The following ADAMTSL1 variants were observed in gnomAD, a reference collection of about 807,000 sequenced individuals.
ADAMTSL1 encodes ADAMTS-like protein 1.
Under a neutral mutation model 201.8 loss-of-function variants are expected in ADAMTSL1, and 126 were observed. The ratio of observed to expected loss-of-function variants is 0.62; its 90% CI spans 0.54 to 0.72. The LOEUF (loss-of-function observed/expected upper bound fraction) is 0.72, where lower values mean the gene tolerates loss of function less well. Among genes scored for constraint, ADAMTSL1 ranks in the 30% least tolerant of loss-of-function variants. ADAMTSL1 has a pLI of 0.00. For synonymous variants in ADAMTSL1, 1,121 were observed against 903.4 expected, an observed-to-expected ratio of 1.24 and a Z score of -4.32; for missense variants, 2,679 against 2,277.8, an observed-to-expected ratio of 1.18 and a Z score of -3.59.
At position 18,310,399 on chromosome 9, in the gene ADAMTSL1, A is replaced by AAAAAC. The variant is rs1440483712; in HGVS notation, c.207+146418_207+146419insAAAAC. Among the ~76,000 whole-genome samples, 778 of 127,320 alleles carry AAAAAC rather than the reference A, an allele frequency of 6.1e-3. 47 individuals are homozygous for AAAAAC. Among genetic ancestry groups the AAAAAC allele is most frequent in the Non-Finnish European group, 0.011 (669 of 58,222 alleles). The allele number at this position is 127,320 out of a possible 152,430, so 83.5% of individuals were successfully genotyped here. A position where few individuals can be genotyped will look rare whatever the true frequency, so the allele number is the denominator to read the frequency against. ...AAAAAAAAAAAAAAAAAAAAAAAAA[A>AAAAAC]CTATCTTCAGAGTGAACAGGCAACC... On this transcript the variant is annotated intron_variant, in intron 2 of 29. Transcript: ENST00000680146.
chr9:18,065,706 C>A (rs367767316), intron 1 of ADAMTSL1, among the ~76,000 whole-genome samples: 1 of 152,110 alleles, frequency 6.6e-6, no homozygotes, highest in African/African-American at 2.4e-5. Flanking sequence ...AAGGGCCAGG[C>A]GCGGTGGCTC....
chr9:18,140,857 T>A (rs1424002525), intron 1 of ADAMTSL1, among the ~76,000 whole-genome samples: 4 of 152,088 alleles, frequency 2.6e-5, no homozygotes, highest in Non-Finnish European at 4.4e-5. Context: ...GATCCCAGAA[T>A]AGTTAATGTG....
At chr9:18,589,108 C>T (rs1179406128) in intron 4 of ADAMTSL1, among the ~76,000 whole-genome samples, 1 of 151,778 alleles carries the variant, frequency 6.6e-6, no homozygotes, top group Non-Finnish European at 1.5e-5. Flanking sequence ...AACTCCTGAC[C>T]TCAGGTGATC....
At position 18,782,022 on chromosome 9, in the gene ADAMTSL1, C is replaced by T. The variant is rs1324925774; in HGVS notation, c.3677+4116C>T. Among the ~76,000 whole-genome samples, 10 of 152,292 alleles carry T rather than the reference C, an allele frequency of 6.6e-5. 1 individual carries two copies. In the East Asian group the frequency reaches 1.5e-3, roughly 24 times the overall value. ...CATGTCTGTCAACTTCTCAAGCAGT[C>T]GTTTACAGGGTGTCCTTAGTGTGTT... On this transcript the variant is annotated intron_variant, in intron 19 of 28. Transcript: ENST00000380548.
At chr9:18,104,492 A>T (rs1824669458) in intron 1 of ADAMTSL1, among the ~76,000 whole-genome samples, 1 of 152,106 alleles carries the variant, frequency 6.6e-6, no homozygotes, top group African/African-American at 2.4e-5. Context: ...TGCTGCCCAT[A>T]ACCTGCAGGT....
At chr9:18,219,340 TA>T (rs1721649812) in intron 2 of ADAMTSL1, among the ~76,000 whole-genome samples, 2 of 143,176 alleles carry the variant, frequency 1.4e-5, no homozygotes, top group South Asian at 2.2e-4. Context: ...ATTTACATTT[TA>T]TTTTTATTTA....
At chr9:17,983,707 C>G (rs140515282) in intron 1 of ADAMTSL1, among the ~76,000 whole-genome samples, 5 of 152,012 alleles carry the variant, frequency 3.3e-5, no homozygotes, top group African/African-American at 9.7e-5. Flanking sequence ...CAGAATTGGA[C>G]TGTTAAAATA....
intron 1 of ADAMTSL1, among the ~76,000 whole-genome samples, chr9:18,109,823 G>A (rs900935966): frequency 1.2e-4 from 19 of 152,250 alleles, no homozygotes; most frequent in Non-Finnish European, 2.2e-4. Context: ...CATCTATGTG[G>A]GAGTAACCTG....
At chr9:18,728,525 G>A (rs1404627262) in intron 15 of ADAMTSL1, among the ~76,000 whole-genome samples, 1 of 152,090 alleles carries the variant, frequency 6.6e-6, no homozygotes, top group Non-Finnish European at 1.5e-5. Flanking sequence ...TGGTTGTCAC[G>A]GATAACGAGA....
chr9:18,085,044 G>T (rs965795446), intron 1 of ADAMTSL1, among the ~76,000 whole-genome samples: 7 of 152,140 alleles, frequency 4.6e-5, no homozygotes, highest in African/African-American at 1.7e-4. Flanking sequence ...TGACGGAACA[G>T]CAAGTGCTAC....
At chr9:18,395,848 A>G (rs1195634155) in intron 2 of ADAMTSL1, among the ~76,000 whole-genome samples, 2 of 152,208 alleles carry the variant, frequency 1.3e-5, no homozygotes, top group African/African-American at 2.4e-5. Flanking sequence ...AGGCTGAACT[A>G]AAATTTACAA....
intron 3 of ADAMTSL1, among the ~76,000 whole-genome samples, chr9:18,565,960 TCTGG>T (rs1821867071): frequency 6.6e-6 from 1 of 152,196 alleles, no homozygotes; most frequent in South Asian, 2.1e-4. Context: ...TTTACAAATG[TCTGG>T]CTATTTTTTA....
intron 1 of ADAMTSL1, among the ~76,000 whole-genome samples, chr9:18,009,487 A>G (rs1274103093): frequency 6.6e-6 from 1 of 152,072 alleles, no homozygotes. Flanking sequence ...TGCAGGGCCA[A>G]TTAATAGGCA....
intron 2 of ADAMTSL1, among the ~76,000 whole-genome samples, chr9:18,381,016 G>A (rs1167119649): frequency 6.6e-6 from 1 of 152,212 alleles, no homozygotes; most frequent in Non-Finnish European, 1.5e-5. Context: ...CCCAGAAGGT[G>A]TGCTAGAATA....
chr9:18,745,452 C>G (rs1417690932), intron 15 of ADAMTSL1, among the ~76,000 whole-genome samples: 1 of 152,204 alleles, frequency 6.6e-6, no homozygotes, highest in African/African-American at 2.4e-5. Flanking sequence ...GAGCACTTCT[C>G]AATTTTCTGG....
At chr9:18,554,669 G>GT (rs71494961) in intron 3 of ADAMTSL1, among the ~76,000 whole-genome samples, 46 of 148,318 alleles carry the variant, frequency 3.1e-4, no homozygotes, top group African/African-American at 5.2e-4. Flanking sequence ...GATCTGAGTG[G>GT]TTTTTTTTTT....
chr9:17,934,701 A>C (rs529387763), intron 1 of ADAMTSL1, among the ~76,000 whole-genome samples: 1 of 152,202 alleles, frequency 6.6e-6, no homozygotes, highest in Middle Eastern at 3.4e-3. Context: ...AATAGCAGCT[A>C]TCAGACAAAA....
intron 1 of ADAMTSL1, among the ~76,000 whole-genome samples, chr9:18,500,952 T>G (rs1044605514): frequency 2.0e-5 from 3 of 152,200 alleles, no homozygotes; most frequent in Non-Finnish European, 2.9e-5. Flanking sequence ...TTGATCACTA[T>G]GTTCAATAGC....
chr9:18,826,211 T>A (rs1824546246), intron 21 of ADAMTSL1, 73 bp from the exon 22 acceptor site: 2 of 1,535,152 alleles, frequency 1.3e-6, no homozygotes, highest in Non-Finnish European at 1.8e-6. Flanking sequence ...CAAGAAGCTA[T>A]AAATGCCTCT....
Sources: gnomAD v4.1 joint callset for allele counts (sites outside exome capture counted in the v4.1 genomes callset) on GRCh38, gnomAD v4.1.1 for gene constraint, MANE v1.5 for transcripts, NCBI Gene and HGNC (gene_info 2026-07-23, HGNC 2026-07-21) for gene names.